The following KIF13B variants were observed in gnomAD, a reference collection of about 807,000 sequenced individuals.
KIF13B encodes the protein kinesin family member 13B.
In KIF13B, 127 loss-of-function variants were observed where a neutral mutation model predicts 222.0. The ratio of observed to expected loss-of-function variants is 0.57; its 90% confidence interval spans 0.50 to 0.66. The LOEUF is 0.66. Among genes scored for constraint, KIF13B ranks in the 30% least tolerant of loss-of-function variants. The pLI is 0.00. For synonymous variants in KIF13B, 976 were observed against 919.0 expected (o/e 1.06, Z -1.12); for missense variants, 2,173 against 2,379.0 (o/e 0.91, Z 1.80).
chr8:29,232,904 C>A (rs1815349064), intron 2 of KIF13B, among the ~76,000 whole-genome samples: 2 of 152,144 alleles, frequency 1.3e-5, no homozygotes, highest in South Asian at 4.1e-4. Context: ...CGCCTGTAAT[C>A]CCAGCACTTT....
intron 10 of KIF13B, among the ~76,000 whole-genome samples, chr8:29,170,874 T>G (rs1586875772): frequency 6.6e-6 from 1 of 152,066 alleles, no homozygotes; most frequent in African/African-American, 2.4e-5. Context: ...GTCCAGAAGT[T>G]CAACACCAGC....
chr8:29,214,609 G>C (rs1460597174), intron 2 of KIF13B, among the ~76,000 whole-genome samples: 1 of 152,088 alleles, frequency 6.6e-6, no homozygotes, highest in Non-Finnish European at 1.5e-5. Flanking sequence ...TTTAAAAATG[G>C]GTAGTAGGCA....
intron 15 of KIF13B, among the ~76,000 whole-genome samples, chr8:29,150,010 C>T (rs564116436): frequency 2.6e-5 from 4 of 152,166 alleles, no homozygotes; most frequent in African/African-American, 9.6e-5. Flanking sequence ...TTAATAAATT[C>T]TTACACCACA....
intron 24 of KIF13B, among the ~76,000 whole-genome samples, chr8:29,128,684 G>A (rs941249624): frequency 3.9e-5 from 6 of 152,136 alleles, no homozygotes; most frequent in African/African-American, 1.4e-4. Flanking sequence ...CCTAAGGAGA[G>A]GGAAGAAAAG....
At position 29,229,281 on chromosome 8, in the gene KIF13B, T is replaced by G. The variant is rs185515718; in HGVS notation, c.149+16065A>C. 9.2e-5 allele frequency among the ~76,000 whole-genome samples: 14 copies of G among 152,218 alleles called. No individual in the cohort carries two copies. In the East Asian group the frequency reaches 2.7e-3, roughly 29 times the overall value. ...TCTTCTGTAAAATCTTAGAAGGCAA[T>G]GAGAAGCTGTGAGCTCATCTAGTTT... On this transcript the variant is annotated intron_variant, in intron 2 of 39. Transcript: ENST00000524189.
In KIF13B at chr8:29,122,588, T is replaced by C. The variant is rs1809922687; in HGVS notation, c.3535+3A>G. The C allele has an allele frequency of 6.2e-7, 1 of 1,608,194 alleles. No homozygotes were observed. The highest frequency in any genetic ancestry group is 8.5e-7 in the Non-Finnish European group (1 of 1,177,046). The stretch of plus-strand genomic sequence containing the variant: ...AGCCTTCAGAAAACACCTCCTAACT[T>C]ACCATTTAAGTCCAGGAATATAACA... On this transcript the variant is annotated splice_donor_region_variant and intron_variant, in intron 29 of 39. Coordinates refer to ENST00000524189, the MANE Select transcript of KIF13B (RefSeq NM_015254.4).
intron 18 of KIF13B, among the ~76,000 whole-genome samples, chr8:29,144,027 C>T (rs1040173473): frequency 6.7e-6 from 1 of 149,888 alleles, no homozygotes; most frequent in African/African-American, 2.5e-5. Context: ...TTTTAAAAAA[C>T]CACAAAGTTA....
At chr8:29,164,125 T>G (rs1811892758) in intron 12 of KIF13B, among the ~76,000 whole-genome samples, 1 of 152,228 alleles carries the variant, frequency 6.6e-6, no homozygotes, top group South Asian at 2.1e-4. Flanking sequence ...TCTCTAATTT[T>G]TATCTACTTT....
intron 35 of KIF13B, among the ~76,000 whole-genome samples, chr8:29,105,868 A>C (rs1218836316): frequency 6.6e-6 from 1 of 151,932 alleles, no homozygotes; most frequent in Non-Finnish European, 1.5e-5. Context: ...CATGTTGGGC[A>C]GGCTGGTCTT....
chr8:29,134,304 A>T, intron 21 of KIF13B, 94 bp from the exon 22 acceptor site: 1 of 1,179,320 alleles, frequency 8.5e-7, no homozygotes, highest in Non-Finnish European at 1.2e-6. Context: ...TCACTAACTT[A>T]GGTGCTTATG....
At chr8:29,222,444 A>G (rs2130534791) in intron 2 of KIF13B, among the ~76,000 whole-genome samples, 1 of 149,678 alleles carries the variant, frequency 6.7e-6, no homozygotes, top group East Asian at 2.0e-4. Flanking sequence ...TCTGTCGCCC[A>G]GGCTAAAGTG....
intron 36 of KIF13B, among the ~76,000 whole-genome samples, chr8:29,094,326 G>C (rs1392537436): frequency 6.6e-6 from 1 of 152,182 alleles, no homozygotes; most frequent in Non-Finnish European, 1.5e-5. Flanking sequence ...CAAGAACCTG[G>C]CCTACTGTGC....
chr8:29,252,984 T>C (rs1293401879), intron 1 of KIF13B, among the ~76,000 whole-genome samples: 2 of 152,092 alleles, frequency 1.3e-5, no homozygotes, highest in African/African-American at 2.4e-5. Context: ...ATTAAATAAA[T>C]AAAAGATTAA....
intron 37 of KIF13B, among the ~76,000 whole-genome samples, chr8:29,092,277 G>T (rs2133548135): frequency 6.6e-6 from 1 of 152,282 alleles, no homozygotes; most frequent in East Asian, 1.9e-4. Flanking sequence ...AGTTTTAAGA[G>T]AAAAGGATAT....
At chr8:29,163,274 C>T (rs752610017) in intron 12 of KIF13B, among the ~76,000 whole-genome samples, 5 of 152,128 alleles carry the variant, frequency 3.3e-5, no homozygotes, top group Non-Finnish European at 5.9e-5. Flanking sequence ...CTATACATAA[C>T]AATTAAACAA....
chr8:29,196,105 T>C, intron 3 of KIF13B, 82 bp downstream of exon 3: 2 of 1,185,272 alleles, frequency 1.7e-6, no homozygotes, highest in Non-Finnish European at 2.4e-6. Context: ...ATATTTTCCT[T>C]TTTGAGAAGA....
intron 14 of KIF13B, among the ~76,000 whole-genome samples, chr8:29,152,798 G>C (rs1371564897): frequency 2.0e-5 from 3 of 152,114 alleles, no homozygotes; most frequent in Non-Finnish European, 4.4e-5. Context: ...GGCTAGTCAT[G>C]AACTCCTGAC....
At chr8:29,090,755 G>T (rs1400219452) in intron 37 of KIF13B, among the ~76,000 whole-genome samples, 1 of 152,048 alleles carries the variant, frequency 6.6e-6, no homozygotes, top group Non-Finnish European at 1.5e-5. Flanking sequence ...TGTCACCCAG[G>T]CTGGAATGCA....
intron 19 of KIF13B, among the ~76,000 whole-genome samples, chr8:29,141,911 T>C (rs772360417): frequency 6.6e-6 from 1 of 151,884 alleles, no homozygotes; most frequent in Non-Finnish European, 1.5e-5. Flanking sequence ...GAAGTCAGAA[T>C]GGAAAGTGGA....
Sources: allele counts gnomAD v4.1 joint callset (sites outside exome capture counted in the v4.1 genomes callset), GRCh38; gene constraint gnomAD v4.1.1; transcripts MANE v1.5; gene names NCBI Gene and HGNC (gene_info 2026-07-23, HGNC 2026-07-21).